The following DSCAML1 variants were observed in gnomAD, a reference collection of about 807,000 sequenced individuals.
DSCAML1 encodes the protein cell adhesion molecule DSCAML1.
DSCAML1 carries 38 observed loss-of-function variants against 200.5 expected under a neutral mutation model. The observed-to-expected ratio is 0.19, with a 90% CI of 0.15 to 0.25. DSCAML1 has a LOEUF of 0.25. DSCAML1 is among the 10% of genes least tolerant of loss of function. The probability of loss-of-function intolerance (pLI) is 1.00; values close to 1 mark genes in which losing one functional copy is unlikely to be tolerated. For synonymous variants in DSCAML1, 1,215 were observed against 1,165.0 expected, an observed-to-expected ratio of 1.04 and a Z score of -0.87; for missense variants, 2,223 against 2,858.8, an observed-to-expected ratio of 0.78 and a Z score of 5.07.
chr11:117,666,723 C>G (rs923328652), intron 3 of DSCAML1, among the ~76,000 whole-genome samples: 3 of 152,162 alleles, frequency 2.0e-5, no homozygotes, highest in African/African-American at 7.2e-5. Context: ...AAAGGAAGGT[C>G]GCAAATTCAG....
intron 3 of DSCAML1, among the ~76,000 whole-genome samples, chr11:117,767,562 T>C (rs769889056): frequency 6.6e-6 from 1 of 152,206 alleles, no homozygotes; most frequent in Non-Finnish European, 1.5e-5. Context: ...GAATACAAGA[T>C]GTCTGAGTCC....
chr11:117,637,608 G>T (rs566915246), intron 3 of DSCAML1, among the ~76,000 whole-genome samples: 2 of 152,296 alleles, frequency 1.3e-5, no homozygotes, highest in Non-Finnish European at 1.5e-5. Context: ...GCCTCCCAAA[G>T]TGGTGGGATT....
chr11:117,748,221 T>A (rs1159823993), intron 3 of DSCAML1, among the ~76,000 whole-genome samples: 1 of 152,128 alleles, frequency 6.6e-6, no homozygotes, highest in Non-Finnish European at 1.5e-5. Flanking sequence ...AAATGGTAAC[T>A]AAATATTCTC....
intron 3 of DSCAML1, among the ~76,000 whole-genome samples, chr11:117,603,636 T>C (rs1470329133): frequency 2.6e-5 from 4 of 152,212 alleles, no homozygotes; most frequent in Non-Finnish European, 5.9e-5. Context: ...AAAGGTAATA[T>C]AGCAGAATTC....
At chr11:117,533,654 A>T (rs1434292957) in intron 3 of DSCAML1, among the ~76,000 whole-genome samples, 1 of 152,192 alleles carries the variant, frequency 6.6e-6, no homozygotes, top group African/African-American at 2.4e-5. Context: ...AGCAGGAAGC[A>T]CAGGTGGCAG....
intron 3 of DSCAML1, among the ~76,000 whole-genome samples, chr11:117,699,680 G>A (rs12273147): frequency 0.089 from 13,614 of 152,118 alleles, 702 homozygotes; most frequent in African/African-American, 0.13. Context: ...GGCCATCCCC[G>A]CCCAGTACCC....
At chr11:117,740,934 C>A (rs2054411240) in intron 3 of DSCAML1, among the ~76,000 whole-genome samples, 1 of 152,216 alleles carries the variant, frequency 6.6e-6, no homozygotes, top group South Asian at 2.1e-4. Flanking sequence ...CAGCTCCCAG[C>A]CAGCCAGGCC....
At chr11:117,447,328 T>G (rs2048200289) in intron 20 of DSCAML1, among the ~76,000 whole-genome samples, 1 of 152,176 alleles carries the variant, frequency 6.6e-6, no homozygotes, top group South Asian at 2.1e-4. Context: ...TCTGATGGTG[T>G]AGGAAAGCAC....
At chr11:117,731,188 C>T (rs2054212453) in intron 3 of DSCAML1, among the ~76,000 whole-genome samples, 1 of 152,112 alleles carries the variant, frequency 6.6e-6, no homozygotes, top group Non-Finnish European at 1.5e-5. Flanking sequence ...AAATTGCCTG[C>T]CCTATTGTGC....
At chr11:117,452,081 C>T (rs895005190) in intron 19 of DSCAML1, among the ~76,000 whole-genome samples, 1 of 152,212 alleles carries the variant, frequency 6.6e-6, no homozygotes, top group Non-Finnish European at 1.5e-5. Context: ...TGTGTCACTT[C>T]TGCTGGATGT....
At chr11:117,730,176 C>T (rs918846411) in intron 3 of DSCAML1, among the ~76,000 whole-genome samples, 12 of 151,866 alleles carry the variant, frequency 7.9e-5, no homozygotes, top group East Asian at 1.9e-4. Context: ...TCCAGCCTGG[C>T]GACAGAGTGA....
At chr11:117,561,338 C>T (rs1226038861) in intron 3 of DSCAML1, among the ~76,000 whole-genome samples, 2 of 152,230 alleles carry the variant, frequency 1.3e-5, no homozygotes, top group African/African-American at 4.8e-5. Context: ...TGCTTCCTGT[C>T]TCTGAGTTTT....
chr11:117,793,802 TC>T (rs966195599), intron 1 of DSCAML1, among the ~76,000 whole-genome samples: 7 of 151,942 alleles, frequency 4.6e-5, no homozygotes, highest in African/African-American at 1.7e-4. Flanking sequence ...TCTAATTAGC[TC>T]CCCCATTCTA....
chr11:117,514,449 C>T (rs936576110), intron 8 of DSCAML1, among the ~76,000 whole-genome samples: 7 of 152,028 alleles, frequency 4.6e-5, no homozygotes, highest in African/African-American at 1.7e-4. Flanking sequence ...ACGGTCCTCC[C>T]TCCAGCCTGT....
At chr11:117,465,259 C>A in intron 16 of DSCAML1, 77 bp from the exon 17 acceptor site, 2 of 1,562,464 alleles carry the variant, frequency 1.3e-6, no homozygotes, top group Non-Finnish European at 1.7e-6. Context: ...AAAGTCAGAT[C>A]ATGTCACTCC....
intron 3 of DSCAML1, among the ~76,000 whole-genome samples, chr11:117,701,814 C>T (rs2053672378): frequency 6.6e-6 from 1 of 152,200 alleles, no homozygotes. Context: ...TACCCTCAGG[C>T]CTGGTGACCT....
intron 3 of DSCAML1, among the ~76,000 whole-genome samples, chr11:117,584,933 C>T (rs2051113740): frequency 6.6e-6 from 1 of 152,186 alleles, no homozygotes; most frequent in Admixed American, 6.5e-5. Context: ...CAGAATGATA[C>T]TTGGCACAGG....
chr11:117,488,494 T>A (rs1046446983), intron 11 of DSCAML1, among the ~76,000 whole-genome samples: 2 of 151,870 alleles, frequency 1.3e-5, no homozygotes, highest in African/African-American at 4.8e-5. Context: ...GGGGAGATGG[T>A]CATATGCACT....
intron 3 of DSCAML1, among the ~76,000 whole-genome samples, chr11:117,762,914 G>A (rs989122067): frequency 1.4e-5 from 2 of 140,368 alleles, no homozygotes; most frequent in African/African-American, 5.3e-5. Flanking sequence ...TAATATATAT[G>A]AAACTGTGCT....
Sources: allele counts gnomAD v4.1 joint callset (sites outside exome capture counted in the v4.1 genomes callset), GRCh38; gene constraint gnomAD v4.1.1; transcripts MANE v1.5; gene names NCBI Gene and HGNC (gene_info 2026-07-23, HGNC 2026-07-21).